Variants in MGAT4A observed in about 807,000 individuals in gnomAD.
The protein encoded by MGAT4A is N-acetylglucosaminyltransferase IVa.
In MGAT4A, 33 loss-of-function variants were observed where a neutral mutation model predicts 74.1. The ratio of observed to expected loss-of-function variants is 0.45; its 90% confidence interval spans 0.34 to 0.60. The LOEUF is 0.60. MGAT4A is among the 20% of genes least tolerant of loss of function. The pLI is 0.02. For missense variants in MGAT4A, 479 were observed against 628.3 expected (o/e 0.76, Z 2.54); for synonymous variants, 198 against 210.4 (o/e 0.94, Z 0.51).
At chr2:98,647,136 A>G (rs1383733302) in intron 8 of MGAT4A, among the ~76,000 whole-genome samples, 2 of 152,190 alleles carry the variant, frequency 1.3e-5, no homozygotes, top group Non-Finnish European at 2.9e-5. Context: ...ACCACTTGGA[A>G]ACCGCTAATG....
chr2:98,630,478 T>C (rs773714154), intron 14 of MGAT4A, among the ~76,000 whole-genome samples: 4 of 152,058 alleles, frequency 2.6e-5, no homozygotes, highest in Non-Finnish European at 5.9e-5. Context: ...TATTAGGGTA[T>C]AGCTTTGGGG....
intron 4 of MGAT4A, among the ~76,000 whole-genome samples, chr2:98,670,458 A>T (rs968966566): frequency 6.6e-6 from 1 of 152,114 alleles, no homozygotes; most frequent in African/African-American, 2.4e-5. Context: ...ATTTTCTTCC[A>T]CTTTCCCGGG....
At chr2:98,661,885 A>C (rs932579932) in intron 5 of MGAT4A, among the ~76,000 whole-genome samples, 2 of 152,028 alleles carry the variant, frequency 1.3e-5, no homozygotes, top group African/African-American at 2.4e-5. Context: ...TTAAAAAGGC[A>C]AGTCATATTA....
rs535727319 is a variant in MGAT4A at position 98,695,030 on chromosome 2, G to A, written c.95-16559C>T. On this transcript the variant is annotated intron_variant, in intron 2 of 15. Transcript: ENST00000393487. Reference sequence around the variant, plus strand: ...AGCTCACCTGCCCACTGGCTAAAATGGCTTTTTTTTTTTTTTTTTTTTTTG... The same window carrying A: ...AGCTCACCTGCCCACTGGCTAAAATAGCTTTTTTTTTTTTTTTTTTTTTTG... The A allele has an allele frequency of 1.9e-3, 269 of 140,804 alleles. 1 individual carries two copies. Among genetic ancestry groups the A allele is most frequent in the Middle Eastern group, 3.8e-3 (1 of 260 alleles). 8.7% of individuals were successfully genotyped at this position (140,804 alleles called of 1,614,324 possible).
chr2:98,721,442 T>C (rs1452380389), intron 2 of MGAT4A, among the ~76,000 whole-genome samples: 2 of 152,224 alleles, frequency 1.3e-5, no homozygotes, highest in Non-Finnish European at 2.9e-5. Flanking sequence ...AAAATATTTA[T>C]GTAATTCATT....
In MGAT4A at chr2:98,668,011, C is replaced by T. The variant is rs906762907; in HGVS notation, c.404-4832G>A. On this transcript the variant is annotated intron_variant, in intron 4 of 15. Coordinates refer to ENST00000393487, the MANE Select transcript of MGAT4A (RefSeq NM_012214.3). ...GGGATCACAGGCGTGAGCCACAGCG[C>T]CCGGCCAGCATTCAGTTTTAAGACG... Among the ~76,000 whole-genome samples the T allele has an allele frequency of 3.3e-5, 5 of 152,282 alleles. No homozygotes were observed. In the East Asian group the frequency reaches 9.7e-4, roughly 29 times the overall value.
rs546054906 is a variant in MGAT4A, at chr2:98,685,349, T to C, written c.95-6878A>G. 2.0e-5 allele frequency among the ~76,000 whole-genome samples: 3 copies of C among 152,296 alleles called. No homozygotes were observed. The South Asian group carries it at 6.2e-4, about 32-fold the overall frequency. On this transcript the variant is annotated intron_variant, in intron 2 of 15. Transcript: ENST00000393487. ...TTTAAATATGAATGAGGAAGGTTTTTAGTAAGATTCCAAAATTTAATAAGC... is the reference window on the plus strand; with the variant it reads ...TTTAAATATGAATGAGGAAGGTTTTCAGTAAGATTCCAAAATTTAATAAGC...
intron 5 of MGAT4A, among the ~76,000 whole-genome samples, 161 bp downstream of exon 5, chr2:98,662,885 G>A (rs1701771556): frequency 6.6e-6 from 1 of 152,152 alleles, no homozygotes; most frequent in Non-Finnish European, 1.5e-5. Flanking sequence ...GGACAGAAGT[G>A]AGTTCAATTT....
chr2:98,626,999 C>T (rs536683086), intron 14 of MGAT4A, among the ~76,000 whole-genome samples: 1 of 152,270 alleles, frequency 6.6e-6, no homozygotes, highest in South Asian at 2.1e-4. Context: ...ATATTATTAG[C>T]CTTCCGGTAT....
intron 2 of MGAT4A, among the ~76,000 whole-genome samples, chr2:98,679,217 T>G (rs1386042161): frequency 1.3e-5 from 2 of 149,100 alleles, no homozygotes; most frequent in Admixed American, 1.3e-4. Flanking sequence ...CCATCCTGGC[T>G]AACACGGTGA....
chr2:98,655,537 CA>C lies in MGAT4A; in HGVS notation c.699-18del. ...GTTCTCCATCTGAAATAAACATTTT[CA>C]AAAAGTAAGTTAGGAATCAGACTCA... On this transcript the variant is annotated intron_variant, in intron 7 of 15. Coordinates refer to ENST00000393487, the MANE Select transcript of MGAT4A (RefSeq NM_012214.3). 1 of 1,564,272 alleles carries C rather than the reference CA, an allele frequency of 6.4e-7. No homozygotes were observed.
At chr2:98,720,846 C>T (rs7577636) in intron 2 of MGAT4A, among the ~76,000 whole-genome samples, 28,254 of 151,914 alleles carry the variant, frequency 0.19, 2,844 homozygotes, top group South Asian at 0.23. Flanking sequence ...ATGGGAATAC[C>T]AGAAGGAAAG....
chr2:98,681,276 T>A (rs1214078638), intron 2 of MGAT4A, among the ~76,000 whole-genome samples: 1 of 152,180 alleles, frequency 6.6e-6, no homozygotes, highest in Non-Finnish European at 1.5e-5. Context: ...CCACCGCACC[T>A]GGCCCAATTC....
chr2:98,673,602 T>C (rs1216339335), intron 4 of MGAT4A, among the ~76,000 whole-genome samples: 1 of 152,184 alleles, frequency 6.6e-6, no homozygotes, highest in Non-Finnish European at 1.5e-5. Context: ...GACCAAGATT[T>C]TATTATATTT....
chr2:98,641,499 CAA>C (rs1205460540), intron 10 of MGAT4A, among the ~76,000 whole-genome samples: 16 of 75,284 alleles, frequency 2.1e-4, no homozygotes, highest in African/African-American at 5.5e-4. Flanking sequence ...ACTAAAAATA[CAA>C]AAAAAAAAAA....
intron 2 of MGAT4A, among the ~76,000 whole-genome samples, chr2:98,723,430 A>G (rs1001142072): frequency 1.3e-5 from 2 of 152,144 alleles, no homozygotes; most frequent in African/African-American, 2.4e-5. Context: ...TATTTACAGG[A>G]GACTATAAAA....
chr2:98,713,204 A>AC (rs1702542812), intron 2 of MGAT4A, among the ~76,000 whole-genome samples: 1 of 149,634 alleles, frequency 6.7e-6, no homozygotes, highest in African/African-American at 2.5e-5. Flanking sequence ...AAAAAAAAAA[A>AC]AAAAAGCCGT....
At chr2:98,717,434 A>G (rs546297746) in intron 2 of MGAT4A, among the ~76,000 whole-genome samples, 7 of 152,254 alleles carry the variant, frequency 4.6e-5, no homozygotes, top group African/African-American at 1.7e-4. Flanking sequence ...GTAGGAGGAC[A>G]TGACAACTAA....
chr2:98,679,423 A>G lies in MGAT4A; in HGVS notation c.95-952T>C, dbSNP rs1162080139. On this transcript the variant is annotated intron_variant, in intron 2 of 15. Transcript: ENST00000393487. ...TCCGTCTCAAAAAAAAAAAAAAAAA[A>G]AAAAAAGAGACCAGCCTAGGCAACA... Among the ~76,000 whole-genome samples, 6 of 149,042 alleles carry G rather than the reference A, an allele frequency of 4.0e-5. No homozygotes were observed. In the South Asian group the frequency reaches 1.3e-3, roughly 31 times the overall value.
Sources: allele counts gnomAD v4.1 joint callset (sites outside exome capture counted in the v4.1 genomes callset), GRCh38; gene constraint gnomAD v4.1.1; transcripts MANE v1.5; gene names NCBI Gene and HGNC (gene_info 2026-07-23, HGNC 2026-07-21).